Variants in DPP10 observed in about 807,000 individuals in gnomAD.
DPP10 encodes dipeptidyl peptidase like 10, also known as inactive dipeptidyl peptidase 10.
DPP10 carries 33 observed loss-of-function variants against 120.9 expected under a neutral mutation model. The ratio of observed to expected loss-of-function variants is 0.27; its 90% confidence interval spans 0.21 to 0.37. The LOEUF (loss-of-function observed/expected upper bound fraction) is 0.37. Ranked by LOEUF, DPP10 falls within the 10% of genes least tolerant of loss-of-function variation. The pLI, the probability that DPP10 is intolerant of heterozygous loss-of-function variation, is 1.00. For missense variants in DPP10, 816 were observed against 942.8 expected (o/e 0.87, Z 1.76); for synonymous variants, 337 against 326.1 (o/e 1.03, Z -0.36).
intron 1 of DPP10, among the ~76,000 whole-genome samples, chr2:114,553,969 G>A (rs188806461): frequency 6.6e-6 from 1 of 152,188 alleles, no homozygotes; most frequent in Non-Finnish European, 1.5e-5. Flanking sequence ...ATAATAACAA[G>A]ACAAGATACA....
intron 19 of DPP10, among the ~76,000 whole-genome samples, 182 bp downstream of exon 19, chr2:115,791,538 AT>A: frequency 6.6e-6 from 1 of 152,212 alleles, no homozygotes; most frequent in South Asian, 2.1e-4. Flanking sequence ...AGATGTGTAA[AT>A]TTTTTTGAAC....
At chr2:114,480,159 C>T (rs1430056431) in intron 1 of DPP10, among the ~76,000 whole-genome samples, 1 of 151,770 alleles carries the variant, frequency 6.6e-6, no homozygotes, top group Non-Finnish European at 1.5e-5. Context: ...CAATGAGATA[C>T]CATCTCACAC....
At chr2:115,622,130 C>T (rs1422872885) in intron 5 of DPP10, among the ~76,000 whole-genome samples, 1 of 152,034 alleles carries the variant, frequency 6.6e-6, no homozygotes, top group Non-Finnish European at 1.5e-5. Flanking sequence ...CCATCTTCTC[C>T]CCAAAAAACC....
At chr2:115,802,426 T>C (rs1482951672) in intron 19 of DPP10, among the ~76,000 whole-genome samples, 2 of 152,152 alleles carry the variant, frequency 1.3e-5, no homozygotes, top group Non-Finnish European at 2.9e-5. Context: ...GTGTCTCTAT[T>C]TCTTTCAGTT....
intron 7 of DPP10, among the ~76,000 whole-genome samples, chr2:115,697,532 T>A (rs1466657907): frequency 6.6e-6 from 1 of 151,518 alleles, no homozygotes; most frequent in Non-Finnish European, 1.5e-5. Context: ...ATATACCTAA[T>A]AACAGACCAT....
intron 1 of DPP10, among the ~76,000 whole-genome samples, chr2:114,474,201 C>A (rs564892946): frequency 6.6e-6 from 1 of 152,220 alleles, no homozygotes; most frequent in Non-Finnish European, 1.5e-5. Context: ...AGTGATCCAC[C>A]CGCCTTGGCC....
chr2:115,011,688 G>A (rs775035465), intron 1 of DPP10, among the ~76,000 whole-genome samples: 3 of 152,092 alleles, frequency 2.0e-5, no homozygotes, highest in Admixed American at 6.6e-5. Context: ...TGTAGCTCAC[G>A]CTTGGAGGAA....
At chr2:115,061,259 G>A (rs1706375272) in intron 1 of DPP10, among the ~76,000 whole-genome samples, 1 of 152,032 alleles carries the variant, frequency 6.6e-6, no homozygotes. Context: ...GGATCTTCTG[G>A]GAAAACTTTG....
At chr2:114,535,725 T>C (rs1686430049) in intron 1 of DPP10, among the ~76,000 whole-genome samples, 1 of 152,178 alleles carries the variant, frequency 6.6e-6, no homozygotes, top group African/African-American at 2.4e-5. Context: ...AGTTTTTTTT[T>C]CTGAATTACA....
intron 21 of DPP10, among the ~76,000 whole-genome samples, chr2:115,831,892 G>A (rs995614193): frequency 1.3e-5 from 2 of 152,100 alleles, no homozygotes; most frequent in Non-Finnish European, 1.5e-5. Context: ...ATCCGATCAC[G>A]GGAAGACCAA....
At chr2:115,098,424 A>G (rs2048510038) in intron 1 of DPP10, among the ~76,000 whole-genome samples, 1 of 152,186 alleles carries the variant, frequency 6.6e-6, no homozygotes. Context: ...ATCATAGAGC[A>G]TACTTACGGA....
At chr2:114,837,975 A>G (rs998478884) in intron 1 of DPP10, among the ~76,000 whole-genome samples, 3 of 152,206 alleles carry the variant, frequency 2.0e-5, no homozygotes, top group East Asian at 1.9e-4. Flanking sequence ...TCACTGGCAT[A>G]ACAAATTAAT....
chr2:115,458,673 C>T (rs1365462200), intron 3 of DPP10, among the ~76,000 whole-genome samples: 1 of 151,876 alleles, frequency 6.6e-6, no homozygotes, highest in African/African-American at 2.4e-5. Context: ...TTGAGCATTG[C>T]TTGAATATTG....
chr2:114,596,998 A>G (rs1691964887), intron 1 of DPP10, among the ~76,000 whole-genome samples: 1 of 152,078 alleles, frequency 6.6e-6, no homozygotes, highest in African/African-American at 2.4e-5. Flanking sequence ...ATTCTAGTAG[A>G]CAAGTCAGAA....
chr2:114,541,211 A>G (rs976674255), intron 1 of DPP10, among the ~76,000 whole-genome samples: 1 of 152,168 alleles, frequency 6.6e-6, no homozygotes, highest in African/African-American at 2.4e-5. Flanking sequence ...AATCTCTTCT[A>G]AAGTTCAGAT....
At chr2:115,380,345 G>A (rs577895362) in intron 3 of DPP10, among the ~76,000 whole-genome samples, 1 of 152,210 alleles carries the variant, frequency 6.6e-6, no homozygotes, top group African/African-American at 2.4e-5. Flanking sequence ...TTGGTTTAAA[G>A]TATGTTTTAT....
chr2:115,748,567 C>T (rs949508509), intron 10 of DPP10, among the ~76,000 whole-genome samples: 4 of 152,072 alleles, frequency 2.6e-5, no homozygotes, highest in East Asian at 3.9e-4. Flanking sequence ...CTGACCTCCA[C>T]ACTGGAGAAC....
At position 115,392,447 on chromosome 2, in the gene DPP10, T is replaced by A. The variant is rs1260391432; in HGVS notation, c.271+48535T>A. ...TTTTAGAGTTCTTACTTTTTCATTT[T>A]TTAATTCTTATATTTCACAAATAAA... On this transcript the variant is annotated intron_variant, in intron 3 of 25. Coordinates refer to ENST00000410059, the MANE Select transcript of DPP10 (RefSeq NM_020868.6). Among the ~76,000 whole-genome samples the A allele has an allele frequency of 3.5e-5, 5 of 142,640 alleles. No individual in the cohort carries two copies. The East Asian group carries it at 1.0e-3, about 29-fold the overall frequency. 93.6% of individuals were successfully genotyped at this position (142,640 alleles called of 152,430 possible). A position where few individuals can be genotyped will look rare whatever the true frequency, so the allele number is the denominator to read the frequency against.
At chr2:115,771,215 C>T (rs966178910) in intron 13 of DPP10, among the ~76,000 whole-genome samples, 56 of 152,012 alleles carry the variant, frequency 3.7e-4, no homozygotes, top group Non-Finnish European at 4.6e-4. Flanking sequence ...GCTGGGATTA[C>T]AGGCACCCGC....
Sources: allele counts gnomAD v4.1 joint callset (sites outside exome capture counted in the v4.1 genomes callset), GRCh38; gene constraint gnomAD v4.1.1; transcripts MANE v1.5; gene names NCBI Gene and HGNC (gene_info 2026-07-23, HGNC 2026-07-21).